TMEM132B: variants seen among roughly 807,000 people sequenced by gnomAD.
TMEM132B encodes the protein transmembrane protein 132B.
A neutral mutation model predicts 90.8 loss-of-function variants in TMEM132B; 18 were observed. That is an observed-to-expected ratio of 0.20 (90% CI 0.14 to 0.29). TMEM132B has a LOEUF of 0.29. TMEM132B is among the 10% of genes least tolerant of loss of function. The pLI, the probability that TMEM132B is intolerant of heterozygous loss-of-function variation, is 1.00. For missense variants in TMEM132B, 1,096 were observed against 1,326.8 expected (o/e 0.83, Z 2.70); for synonymous variants, 504 against 523.3 (o/e 0.96, Z 0.50).
At chr12:125,629,797 T>C (rs942117477) in intron 5 of TMEM132B, among the ~76,000 whole-genome samples, 3 of 152,144 alleles carry the variant, frequency 2.0e-5, no homozygotes, top group Non-Finnish European at 4.4e-5. Flanking sequence ...GCTTTTATTA[T>C]GTTGAAGTAT....
At position 125,490,909 on chromosome 12, in the gene TMEM132B, T is replaced by C. The variant is rs972167435; in HGVS notation, c.1107-28530T>C. 1.3e-5 allele frequency among the ~76,000 whole-genome samples: 2 copies of C among 152,230 alleles called. No homozygotes were observed. Among genetic ancestry groups the C allele is most frequent in the African/African-American group, 4.8e-5 (2 of 41,470 alleles). On this transcript the variant is annotated intron_variant, in intron 3 of 8. Coordinates refer to ENST00000682704, the MANE Select transcript of TMEM132B (RefSeq NM_001366854.1). This position sits in a 1 kb window ranked among gnomAD's most constrained non-coding sequence, Gnocchi z 4.2. ...TTGCTGTTTCTTGGATCATTCATTC[T>C]GGAGGAAGTTAGCTACCATGGTGTA...
At chr12:125,197,851 A>G (rs576369455) in intron 1 of TMEM132B, among the ~76,000 whole-genome samples, 62 of 152,352 alleles carry the variant, frequency 4.1e-4, no homozygotes, top group African/African-American at 1.4e-3. Context: ...AAACAGATTG[A>G]TCGAAAGTTG....
chr12:125,338,689 G>A (rs545010174), intron 1 of TMEM132B, among the ~76,000 whole-genome samples: 4 of 152,264 alleles, frequency 2.6e-5, no homozygotes, highest in Non-Finnish European at 5.9e-5. Context: ...GAATGTTCTG[G>A]TCTGAGGTTT....
chr12:125,335,537 T>C (rs1876930032), intron 1 of TMEM132B, among the ~76,000 whole-genome samples: 1 of 152,246 alleles, frequency 6.6e-6, no homozygotes, highest in Non-Finnish European at 1.5e-5. Context: ...TCTCCTGTAA[T>C]TTTGACAAAT....
intron 1 of TMEM132B, among the ~76,000 whole-genome samples, chr12:125,270,083 G>A (rs1317357680): frequency 6.6e-6 from 1 of 150,482 alleles, no homozygotes; most frequent in African/African-American, 2.5e-5. Context: ...AGCATGGCCA[G>A]AAAGCTAATG....
At chr12:125,540,511 A>G (rs1883926118) in intron 4 of TMEM132B, among the ~76,000 whole-genome samples, 1 of 152,260 alleles carries the variant, frequency 6.6e-6, no homozygotes, top group South Asian at 2.1e-4. Flanking sequence ...TATAAAATTT[A>G]AGATGGTTAT....
chr12:125,337,353 CA>C (rs1319233973), intron 1 of TMEM132B, among the ~76,000 whole-genome samples: 6 of 152,126 alleles, frequency 3.9e-5, no homozygotes, highest in African/African-American at 1.4e-4. Flanking sequence ...TGGGTGTTCA[CA>C]TTTGGCAGGC....
chr12:125,199,307 GGA>G (rs201036185), intron 1 of TMEM132B, among the ~76,000 whole-genome samples: 81 of 152,234 alleles, frequency 5.3e-4, no homozygotes, highest in African/African-American at 1.8e-3. Context: ...GAAAAGGAGG[GGA>G]GAGAGAGAGG....
intron 3 of TMEM132B, among the ~76,000 whole-genome samples, chr12:125,416,799 A>T (rs191646779): frequency 6.6e-6 from 1 of 152,274 alleles, no homozygotes; most frequent in Admixed American, 6.5e-5. Context: ...TCCAGTCATC[A>T]TTCTCTACAT....
In TMEM132B at chr12:125,428,243, C is replaced by T. The variant is rs184642860; in HGVS notation, c.1106+12566C>T. ...TGCTGGGTTCAAGTGATCCTCCTGC[C>T]TCAGCCTCCCAAAGTACTAGGATTA... On this transcript the variant is annotated intron_variant, in intron 3 of 8. Coordinates refer to ENST00000682704, the MANE Select transcript of TMEM132B (RefSeq NM_001366854.1). 6.6e-5 allele frequency among the ~76,000 whole-genome samples: 10 copies of T among 152,242 alleles called. No individual in the cohort carries two copies. In the East Asian group the frequency reaches 1.5e-3, roughly 24 times the overall value.
In TMEM132B at chr12:125,313,194, A is replaced by G. The variant is rs75775163; in HGVS notation, c.68-36258A>G. 7.2e-3 allele frequency among the ~76,000 whole-genome samples: 1,103 copies of G among 152,258 alleles called. 13 individuals carry two copies. Among genetic ancestry groups the G allele is most frequent in the African/African-American group, 0.025 (1,055 of 41,530 alleles). ...GAAATACCTAGGTCAGGGGCTCGTG[A>G]TGATGAGTAAGTGAGTCAATACATG... is the stretch of plus-strand genomic sequence containing the variant. On this transcript the variant is annotated intron_variant, in intron 1 of 8. Transcript: ENST00000682704.
chr12:125,190,350 G>A (rs1356749873), intron 1 of TMEM132B, among the ~76,000 whole-genome samples: 1 of 151,924 alleles, frequency 6.6e-6, no homozygotes, highest in Non-Finnish European at 1.5e-5. Context: ...CCGAAAGTTA[G>A]AGAGCAAGTC....
At chr12:125,380,594 A>G (rs761320183) in intron 2 of TMEM132B, among the ~76,000 whole-genome samples, 6 of 152,186 alleles carry the variant, frequency 3.9e-5, no homozygotes, top group Non-Finnish European at 5.9e-5. Flanking sequence ...TGATTGGAGC[A>G]TGGCATATGT....
rs1887105318 is a variant in TMEM132B, at chr12:125,657,841, T to G, written c.*3131T>G. 2 of 152,204 alleles carry G rather than the reference T, an allele frequency of 1.3e-5. No homozygotes were observed. 9.4% of individuals were successfully genotyped at this position (152,204 alleles called of 1,614,324 possible). ...ACTCTGTGGTCACATGAAGGGAGGT[T>G]CAGATGCTAGACGACCAGCGTATGA... On this transcript the variant is annotated 3_prime_UTR_variant, in exon 9 of 9. Transcript: ENST00000682704.
chr12:125,233,589 T>C (rs1873870240), intron 1 of TMEM132B, among the ~76,000 whole-genome samples: 1 of 152,222 alleles, frequency 6.6e-6, no homozygotes. Flanking sequence ...AAAAGAAATT[T>C]TCAGCTGCCT....
At chr12:125,618,012 A>G (rs908309455) in intron 5 of TMEM132B, among the ~76,000 whole-genome samples, 1 of 151,986 alleles carries the variant, frequency 6.6e-6, no homozygotes, top group Non-Finnish European at 1.5e-5. Context: ...CTTCCTCACA[A>G]GAGTGTGGTC....
chr12:125,629,263 TC>T (rs1158836853), intron 5 of TMEM132B, among the ~76,000 whole-genome samples: 1 of 151,822 alleles, frequency 6.6e-6, no homozygotes, highest in Admixed American at 6.6e-5. Flanking sequence ...TAACAATACT[TC>T]CAGCACATGA....
chr12:125,274,819 C>T (rs1391780479), intron 1 of TMEM132B, among the ~76,000 whole-genome samples: 2 of 152,096 alleles, frequency 1.3e-5, no homozygotes, highest in Non-Finnish European at 1.5e-5. Context: ...GCCTCTCATT[C>T]ACCTGAGATG....
intron 2 of TMEM132B, among the ~76,000 whole-genome samples, chr12:125,362,394 G>GT (rs1327008802): frequency 6.6e-6 from 1 of 152,034 alleles, no homozygotes; most frequent in Admixed American, 6.6e-5. Context: ...CTGGAATATT[G>GT]TTTTTTAAAA....
Sources: gnomAD v4.1 joint callset for allele counts (sites outside exome capture counted in the v4.1 genomes callset) on GRCh38, gnomAD v4.1.1 for gene constraint, Gnocchi (gnomAD v3.1) non-coding constraint, MANE v1.5 for transcripts, NCBI Gene and HGNC (gene_info 2026-07-23, HGNC 2026-07-21) for gene names.